Variants in CAMKMT observed in about 807,000 individuals in gnomAD.
CAMKMT encodes the protein calmodulin-lysine N-methyltransferase.
CAMKMT carries 53 observed loss-of-function variants against 48.0 expected under a neutral mutation model. The ratio of observed to expected loss-of-function variants is 1.10; its 90% CI spans 0.89 to 1.39. The LOEUF (loss-of-function observed/expected upper bound fraction) is 1.39, where lower values mean the gene tolerates loss of function less well. Among genes scored for constraint, CAMKMT ranks in the 40% most tolerant of loss-of-function variants. The pLI is 0.00. For synonymous variants in CAMKMT, 165 were observed against 152.3 expected, an observed-to-expected ratio of 1.08 and a Z score of -0.61; for missense variants, 428 against 402.7, an observed-to-expected ratio of 1.06 and a Z score of -0.54.
chr2:44,692,585 C>T (rs886975994), intron 3 of CAMKMT, among the ~76,000 whole-genome samples: 1 of 152,190 alleles, frequency 6.6e-6, no homozygotes, highest in African/African-American at 2.4e-5. Context: ...CTAGAACAGG[C>T]CTGGCTGCCT....
At chr2:44,738,628 A>T (rs1679493599) in intron 7 of CAMKMT, among the ~76,000 whole-genome samples, 1 of 152,224 alleles carries the variant, frequency 6.6e-6, no homozygotes. Context: ...TTGGAAATAC[A>T]TCACTGTACA....
chr2:44,723,589 AAAATAAATAAATACATACAT>A (rs1273470565), intron 7 of CAMKMT: 20 of 138,882 alleles, frequency 1.4e-4, no homozygotes, highest in African/African-American at 1.7e-4. Flanking sequence ...AGTCCATCTC[AAAATAAATAAATACATACAT>A]AAATAAATAA....
chr2:44,531,719 T>C (rs1347490823), intron 3 of CAMKMT, among the ~76,000 whole-genome samples: 1 of 152,172 alleles, frequency 6.6e-6, no homozygotes, highest in East Asian at 1.9e-4. Flanking sequence ...TACTTGAGGA[T>C]TGTCTATGTT....
At chr2:44,598,469 A>AT (rs540701862) in intron 3 of CAMKMT, among the ~76,000 whole-genome samples, 18 of 151,530 alleles carry the variant, frequency 1.2e-4, no homozygotes, top group Middle Eastern at 6.8e-3. Flanking sequence ...TACACTGTGC[A>AT]TTTTTTTTAC....
intron 3 of CAMKMT, among the ~76,000 whole-genome samples, chr2:44,401,396 A>G (rs1048122715): frequency 4.6e-5 from 7 of 152,028 alleles, no homozygotes; most frequent in Admixed American, 4.6e-4. Flanking sequence ...ATCTCTACTA[A>G]AAACAGAAAA....
At chr2:44,518,921 G>C (rs1053802087) in intron 3 of CAMKMT, among the ~76,000 whole-genome samples, 2 of 152,192 alleles carry the variant, frequency 1.3e-5, no homozygotes, top group Non-Finnish European at 2.9e-5. Context: ...CCAGCTTTTG[G>C]AGGAAAGGCA....
intron 3 of CAMKMT, among the ~76,000 whole-genome samples, chr2:44,644,739 T>C (rs1673641344): frequency 6.6e-6 from 1 of 152,230 alleles, no homozygotes; most frequent in African/African-American, 2.4e-5. Context: ...AATTAGACTT[T>C]TATAGCTTGG....
In CAMKMT at chr2:44,617,639, G is replaced by C. The variant is rs748767911; in HGVS notation, c.377-86644G>C. On this transcript the variant is annotated intron_variant, in intron 3 of 10. Transcript: ENST00000378494. ...GTTTATACTGCACGATGGGCTCACT[G>C]AGCCATATTTCCTCACTTTGAAGTT... Among the ~76,000 whole-genome samples, 5 of 152,202 alleles carry C rather than the reference G, an allele frequency of 3.3e-5. No individual in the cohort carries two copies. In the South Asian group the frequency reaches 8.3e-4, roughly 25 times the overall value.
chr2:44,453,213 C>T, intron 3 of CAMKMT, among the ~76,000 whole-genome samples: 1 of 151,910 alleles, frequency 6.6e-6, no homozygotes, highest in East Asian at 1.9e-4. Context: ...ACATACAAAT[C>T]CATAAACATA....
In CAMKMT at chr2:44,657,484, G is replaced by T. The variant is rs144715177; in HGVS notation, c.377-46799G>T. Among the ~76,000 whole-genome samples, 62 of 152,310 alleles carry T rather than the reference G, an allele frequency of 4.1e-4. No individual in the cohort carries two copies. Among genetic ancestry groups the T allele is most frequent in the African/African-American group, 1.4e-3 (59 of 41,570 alleles). Reference sequence around the variant, plus strand: ...GAAATTTGGTTACATGTGCCATCAAGATATTTCTGGCCAAGGTCATGCCTT... The same window carrying T: ...GAAATTTGGTTACATGTGCCATCAATATATTTCTGGCCAAGGTCATGCCTT... On this transcript the variant is annotated intron_variant, in intron 3 of 10. Coordinates refer to ENST00000378494, the MANE Select transcript of CAMKMT (RefSeq NM_024766.5). This position sits in a 1 kb window ranked among gnomAD's most constrained non-coding sequence, Gnocchi z 4.3.
chr2:44,758,746 A>G (rs1333320410), intron 9 of CAMKMT, among the ~76,000 whole-genome samples: 2 of 152,238 alleles, frequency 1.3e-5, no homozygotes, highest in African/African-American at 4.8e-5. Context: ...TTAAAAGTCC[A>G]TGACAACAGC....
chr2:44,723,397 C>T (rs970803132), intron 7 of CAMKMT, among the ~76,000 whole-genome samples: 3 of 151,954 alleles, frequency 2.0e-5, no homozygotes, highest in Admixed American at 6.6e-5. Context: ...TCAAGACCTG[C>T]GTGGCCAACA....
chr2:44,573,151 C>A (rs930411209), intron 3 of CAMKMT, among the ~76,000 whole-genome samples: 15 of 151,290 alleles, frequency 9.9e-5, no homozygotes, highest in Admixed American at 2.0e-4. Context: ...GCTGCTATTA[C>A]TGTTAGTAAT....
chr2:44,603,890 A>G (rs1671138901), intron 3 of CAMKMT, among the ~76,000 whole-genome samples: 1 of 152,208 alleles, frequency 6.6e-6, no homozygotes, highest in African/African-American at 2.4e-5. Context: ...AATACAAGAT[A>G]TTGACTGTTC....
At chr2:44,483,384 T>G (rs1558648997) in intron 3 of CAMKMT, among the ~76,000 whole-genome samples, 1 of 152,196 alleles carries the variant, frequency 6.6e-6, no homozygotes, top group East Asian at 1.9e-4. Flanking sequence ...GTACCTGTTC[T>G]GAAGTTCATT....
intron 3 of CAMKMT, among the ~76,000 whole-genome samples, chr2:44,611,105 A>G (rs1671572440): frequency 1.3e-5 from 2 of 152,110 alleles, no homozygotes; most frequent in South Asian, 4.1e-4. Context: ...TCCTGAAGGC[A>G]TATTCTATGG....
At chr2:44,397,682 C>G (rs1311751045) in intron 3 of CAMKMT, among the ~76,000 whole-genome samples, 3 of 151,814 alleles carry the variant, frequency 2.0e-5, no homozygotes, top group Non-Finnish European at 4.4e-5. Context: ...TTATCAATTA[C>G]CAGAGAAGGA....
Position 44,704,441 on chromosome 2 carries a change from GA to G in CAMKMT, c.437+105del, listed in dbSNP as rs1016765118. 82 of 785,608 alleles carry G rather than the reference GA, an allele frequency of 1.0e-4. No homozygotes were observed. The Admixed American group carries it at 2.1e-3, about 20-fold the overall frequency. 48.7% of individuals were successfully genotyped at this position (785,608 alleles called of 1,614,324 possible). Reference sequence around the variant, plus strand: ...TTATATTCTTCAAATTAAATTGTTAGAAAAAAATATAAGAAAAGAAAAACAG... The same window carrying G: ...TTATATTCTTCAAATTAAATTGTTAGAAAAAATATAAGAAAAGAAAAACAG... On this transcript the variant is annotated intron_variant, in intron 4 of 10. Transcript: ENST00000378494.
At chr2:44,552,077 G>C (rs1667745073) in intron 3 of CAMKMT, among the ~76,000 whole-genome samples, 1 of 152,098 alleles carries the variant, frequency 6.6e-6, no homozygotes, top group Non-Finnish European at 1.5e-5. Context: ...GGCGTTGAAT[G>C]TAAGCATCAC....
Sources: allele counts gnomAD v4.1 joint callset (sites outside exome capture counted in the v4.1 genomes callset), GRCh38; gene constraint gnomAD v4.1.1; non-coding constraint Gnocchi (gnomAD v3.1); transcripts MANE v1.5; gene names NCBI Gene and HGNC (gene_info 2026-07-23, HGNC 2026-07-21).